Variants in ROBO2 observed in about 807,000 individuals in gnomAD.
ROBO2 encodes the protein roundabout guidance receptor 2.
A neutral mutation model predicts 160.8 loss-of-function variants in ROBO2; 53 were observed. The ratio of observed to expected loss-of-function variants is 0.33; its 90% CI spans 0.26 to 0.41. The LOEUF is 0.41. Among genes scored for constraint, ROBO2 ranks in the 10% least tolerant of loss-of-function variants. The probability of loss-of-function intolerance (pLI) is 1.00; values close to 1 mark genes in which losing one functional copy is unlikely to be tolerated. For missense variants in ROBO2, 1,577 were observed against 1,722.4 expected (o/e 0.92, Z 1.49); for synonymous variants, 664 against 611.7 (o/e 1.09, Z -1.26).
chr3:77,147,316 A>G (rs1272218990), intron 2 of ROBO2, among the ~76,000 whole-genome samples: 1 of 152,084 alleles, frequency 6.6e-6, no homozygotes, highest in Admixed American at 6.5e-5. Flanking sequence ...ACAAAAAGGG[A>G]GCACTGGTGC....
chr3:77,523,101 T>C (rs1337544786), intron 6 of ROBO2, among the ~76,000 whole-genome samples, 199 bp downstream of exon 6: 7 of 151,400 alleles, frequency 4.6e-5, no homozygotes, highest in African/African-American at 1.5e-4. Flanking sequence ...TTAAAAAGAT[T>C]AATTCTTATT....
At chr3:76,403,616 C>T (rs2077973836) in intron 2 of ROBO2, among the ~76,000 whole-genome samples, 1 of 151,424 alleles carries the variant, frequency 6.6e-6, no homozygotes, top group African/African-American at 2.4e-5. Context: ...AACTGCAGGC[C>T]ACCACTTCTG....
intron 6 of ROBO2, among the ~76,000 whole-genome samples, chr3:77,532,279 T>C (rs1220899058): frequency 1.3e-5 from 2 of 151,984 alleles, no homozygotes; most frequent in Non-Finnish European, 2.9e-5. Context: ...GGTATTATAG[T>C]GTAGTCTGAA....
chr3:76,702,975 A>C (rs900192041), intron 2 of ROBO2, among the ~76,000 whole-genome samples: 3 of 152,166 alleles, frequency 2.0e-5, no homozygotes, highest in African/African-American at 7.2e-5. Context: ...AACAGAACAC[A>C]GAGATGTTGA....
intron 16 of ROBO2, among the ~76,000 whole-genome samples, chr3:77,586,366 T>C (rs189540420): frequency 5.3e-5 from 8 of 152,292 alleles, no homozygotes; most frequent in Admixed American, 1.3e-4. Flanking sequence ...GGTTATAATA[T>C]GTGGAACAGC....
chr3:77,343,057 GGAGAGA>G (rs766199289), intron 2 of ROBO2, among the ~76,000 whole-genome samples: 1,540 of 63,698 alleles, frequency 0.024, 19 homozygotes, highest in Middle Eastern at 0.045. Flanking sequence ...ATAGGTAGAT[GGAGAGA>G]GAGAGAGAGA....
intron 2 of ROBO2, among the ~76,000 whole-genome samples, chr3:76,463,684 A>G (rs1052149604): frequency 6.6e-6 from 1 of 152,118 alleles, no homozygotes; most frequent in South Asian, 2.1e-4. Context: ...TAGGTCCTAG[A>G]CACACTCCTC....
intron 17 of ROBO2, among the ~76,000 whole-genome samples, chr3:77,593,720 T>C (rs564992771): frequency 2.9e-4 from 44 of 152,256 alleles, no homozygotes; most frequent in African/African-American, 1.0e-3. Context: ...GTGTAAAATT[T>C]AAAGAGCGAT....
exon 26 of ROBO2, chr3:77,646,956 T>C (rs1322685240): frequency 6.6e-6 from 1 of 152,510 alleles, no homozygotes; most frequent in Non-Finnish European, 1.5e-5. Flanking sequence ...TATATTACAG[T>C]TTTTTAAAAA....
chr3:76,625,689 T>C (rs1170534388), intron 2 of ROBO2, among the ~76,000 whole-genome samples: 2 of 152,088 alleles, frequency 1.3e-5, no homozygotes, highest in African/African-American at 4.8e-5. Flanking sequence ...ATGCTTGACA[T>C]GTTTGAGGGA....
chr3:76,982,776 T>C (rs2060162171), intron 2 of ROBO2, among the ~76,000 whole-genome samples: 1 of 152,172 alleles, frequency 6.6e-6, no homozygotes, highest in East Asian at 1.9e-4. Context: ...CAGTAGAAAT[T>C]GTATTGAAAA....
At chr3:76,233,504 C>A (rs1008632609) in intron 2 of ROBO2, among the ~76,000 whole-genome samples, 2 of 152,140 alleles carry the variant, frequency 1.3e-5, no homozygotes, top group Admixed American at 6.5e-5. Flanking sequence ...CTCAGGTTAT[C>A]TGGAATATAG....
chr3:77,299,219 A>G (rs2062432908), intron 2 of ROBO2, among the ~76,000 whole-genome samples: 1 of 152,150 alleles, frequency 6.6e-6, no homozygotes, highest in Non-Finnish European at 1.5e-5. Flanking sequence ...TAGTCTACAT[A>G]TGTTTAAACT....
chr3:76,910,840 A>T (rs2075950916), intron 2 of ROBO2, among the ~76,000 whole-genome samples: 1 of 151,690 alleles, frequency 6.6e-6, no homozygotes, highest in East Asian at 1.9e-4. Context: ...AATATTTTTC[A>T]TGTGTTTCCT....
rs1269321277 is a variant in ROBO2 at position 76,155,780 on chromosome 3, T to C, written c.109+218178T>C. On this transcript the variant is annotated intron_variant, in intron 2 of 26. Coordinates refer to the ROBO2 transcript ENST00000487694. ...TAAACCGCATTTTATAAATATTCAATGTAAAGAATATCTGTAATCCTCTGA... is the reference window on the plus strand; with the variant it reads ...TAAACCGCATTTTATAAATATTCAACGTAAAGAATATCTGTAATCCTCTGA... Among the ~76,000 whole-genome samples, 6 of 152,312 alleles carry C rather than the reference T, an allele frequency of 3.9e-5. No individual in the cohort carries two copies. In the South Asian group the frequency reaches 1.2e-3, roughly 32 times the overall value.
intron 2 of ROBO2, among the ~76,000 whole-genome samples, chr3:76,679,291 A>C (rs544489510): frequency 6.6e-6 from 1 of 152,266 alleles, no homozygotes; most frequent in African/African-American, 2.4e-5. Flanking sequence ...GTGGCAGATA[A>C]AACCTTATTA....
At chr3:77,255,024 G>A (rs1306494098) in intron 2 of ROBO2, among the ~76,000 whole-genome samples, 2 of 152,198 alleles carry the variant, frequency 1.3e-5, no homozygotes, top group Non-Finnish European at 2.9e-5. Context: ...GCTGTTAAAA[G>A]GAAGAACTAG....
chr3:76,402,633 C>A (rs1344627328), intron 2 of ROBO2, among the ~76,000 whole-genome samples: 2 of 151,480 alleles, frequency 1.3e-5, no homozygotes, highest in Non-Finnish European at 3.0e-5. Context: ...AATTCAGTTG[C>A]TTGAGGTTGT....
At chr3:76,840,502 C>T (rs113124986) in intron 2 of ROBO2, among the ~76,000 whole-genome samples, 19,245 of 150,780 alleles carry the variant, frequency 0.13, 1,379 homozygotes, top group East Asian at 0.24. Flanking sequence ...CCCAGCTACT[C>T]GGGAGGCTGA....
Sources: gnomAD v4.1 joint callset for allele counts (sites outside exome capture counted in the v4.1 genomes callset) on GRCh38, gnomAD v4.1.1 for gene constraint, MANE v1.5 for transcripts, NCBI Gene and HGNC (gene_info 2026-07-23, HGNC 2026-07-21) for gene names.